PITPNA: variants seen among roughly 807,000 people sequenced by gnomAD.
PITPNA encodes the protein phosphatidylinositol transfer protein alpha isoform.
In PITPNA, 13 loss-of-function variants were observed where a neutral mutation model predicts 50.3. The observed-to-expected ratio is 0.26, with a 90% confidence interval of 0.17 to 0.41. The LOEUF is 0.41. Ranked by LOEUF, PITPNA falls within the 10% of genes least tolerant of loss-of-function variation. PITPNA has a pLI of 1.00. For missense variants in PITPNA, 207 were observed against 333.4 expected (o/e 0.62, Z 2.95); for synonymous variants, 120 against 119.6 (o/e 1.00, Z -0.02).
At chr17:1,544,674 C>T (rs1195814627) in intron 4 of PITPNA, among the ~76,000 whole-genome samples, 1 of 152,204 alleles carries the variant, frequency 6.6e-6, no homozygotes, top group Non-Finnish European at 1.5e-5. Flanking sequence ...ACGGTGGCTC[C>T]CGCCTGGAAT....
rs2075773839 is a variant in PITPNA, at chr17:1,562,516, T to G, written c.20+25A>C. ...CGTCCCCACCCTCCCTCCTCCCCGC[T>G]TCCGCACGGCCGCCGGACACTCACT... On this transcript the variant is annotated intron_variant, in intron 1 of 11. Transcript: ENST00000313486. This position sits in a 1 kb window ranked among gnomAD's most constrained non-coding sequence, Gnocchi z 6.4. 5.0e-5 allele frequency: 64 copies of G among 1,270,016 alleles called. No homozygotes were observed. Among genetic ancestry groups the G allele is most frequent in the East Asian group, 1.0e-4 (3 of 28,794 alleles). 78.7% of individuals were successfully genotyped at this position (1,270,016 alleles called of 1,614,324 possible). A position where few individuals can be genotyped will look rare whatever the true frequency, so the allele number is the denominator to read the frequency against.
chr17:1,543,434 A>C (rs1412300515), intron 4 of PITPNA, among the ~76,000 whole-genome samples: 1 of 152,060 alleles, frequency 6.6e-6, no homozygotes, highest in Non-Finnish European at 1.5e-5. Flanking sequence ...TTGGCCATGC[A>C]CTGTATCTGC....
intron 10 of PITPNA, among the ~76,000 whole-genome samples, chr17:1,525,957 G>GGA (rs1444167453): frequency 1.3e-5 from 2 of 152,174 alleles, no homozygotes; most frequent in Admixed American, 1.3e-4. Context: ...AGAAGGTCTG[G>GGA]GAGCTGCAAT....
At chr17:1,559,581 T>C (rs2075757929) in intron 1 of PITPNA, 1 of 161,884 alleles carries the variant, frequency 6.2e-6, no homozygotes, top group African/African-American at 2.4e-5. Context: ...CTGGGTCCTT[T>C]TGTGTCTTGC....
intron 7 of PITPNA, among the ~76,000 whole-genome samples, chr17:1,536,526 T>C (rs2075618218): frequency 6.6e-6 from 1 of 151,916 alleles, no homozygotes; most frequent in African/African-American, 2.4e-5. Context: ...CCTGACCTCG[T>C]GATCCGCCCA....
intron 10 of PITPNA, among the ~76,000 whole-genome samples, chr17:1,524,219 T>G (rs1049467371): frequency 6.6e-6 from 1 of 151,030 alleles, no homozygotes; most frequent in African/African-American, 2.4e-5. Flanking sequence ...TAATTTTTTG[T>G]GTTTTTAGTA....
intron 6 of PITPNA, among the ~76,000 whole-genome samples, chr17:1,540,563 C>T (rs547545135): frequency 3.1e-4 from 47 of 151,936 alleles, no homozygotes; most frequent in Non-Finnish European, 4.9e-4. Flanking sequence ...ATGCATTTAA[C>T]GTTGTCCTAC....
rs373517138 is a variant in PITPNA at position 1,557,427 on chromosome 17, G to A, written c.51+1102C>T. On this transcript the variant is annotated intron_variant, in intron 2 of 11. Coordinates refer to ENST00000313486, the MANE Select transcript of PITPNA (RefSeq NM_006224.4). ...TCATGCTGACACTGCAGGAAAGAGA[G>A]ACGGAGCCCAGTGACTGGAGGCACT... Among the ~76,000 whole-genome samples, 36 of 152,342 alleles carry A rather than the reference G, an allele frequency of 2.4e-4. No homozygotes were observed. The South Asian group carries it at 7.0e-3, about 30-fold the overall frequency.
intron 10 of PITPNA, among the ~76,000 whole-genome samples, chr17:1,532,173 T>C (rs1254514846): frequency 1.3e-5 from 2 of 152,176 alleles, no homozygotes; most frequent in Non-Finnish European, 2.9e-5. Flanking sequence ...CTGCAACCTC[T>C]GCCTCCTGGG....
At chr17:1,521,835 T>A (rs1157640987) in intron 10 of PITPNA, among the ~76,000 whole-genome samples, 190 bp from the exon 11 acceptor site, 1 of 151,554 alleles carries the variant, frequency 6.6e-6, no homozygotes, top group Admixed American at 6.6e-5. Flanking sequence ...TCACCATCCA[T>A]GATTTCTAGT....
At position 1,562,611 on chromosome 17, in the gene PITPNA, C is replaced by G; in HGVS notation, c.-51G>C. 10 of 1,211,482 alleles carry G rather than the reference C, an allele frequency of 8.3e-6. No individual in the cohort carries two copies. Among genetic ancestry groups the G allele is most frequent in the Non-Finnish European group, 1.0e-5 (10 of 971,890 alleles). 75.0% of individuals were successfully genotyped at this position (1,211,482 alleles called of 1,614,324 possible). The stretch of plus-strand genomic sequence containing the variant: ...CGCGGCCCGCCCGGCCTCCCGCCCG[C>G]TGCCCGCCGGCCGCTCTCCCCGTGG... On this transcript the variant is annotated 5_prime_UTR_variant, in exon 1 of 12. Transcript: ENST00000313486. The surrounding 1 kb of genome is among the most constrained non-coding windows in gnomAD (Gnocchi z 6.4).
At chr17:1,536,507 T>G (rs2075617893) in intron 7 of PITPNA, among the ~76,000 whole-genome samples, 1 of 152,090 alleles carries the variant, frequency 6.6e-6, no homozygotes. Context: ...GCCAGGATGG[T>G]CTCGATCTCC....
chr17:1,523,871 C>G (rs1273973117), intron 10 of PITPNA, among the ~76,000 whole-genome samples: 1 of 151,568 alleles, frequency 6.6e-6, no homozygotes, highest in Non-Finnish European at 1.5e-5. Context: ...ATTGCCCAGG[C>G]TAGTCTCGAA....
chr17:1,526,589 G>A (rs1010712307), intron 10 of PITPNA, among the ~76,000 whole-genome samples: 9 of 152,098 alleles, frequency 5.9e-5, no homozygotes, highest in African/African-American at 1.2e-4. Context: ...CTTCTCAGCC[G>A]GCTCCTTACA....
At position 1,534,195 on chromosome 17, in the gene PITPNA, G is replaced by C; in HGVS notation, c.672C>G (p.Phe224Leu). ...HKQERRLFTN[F>L]HRQLFCWLDK... ...CGAGCCAACAGAACAGCTGCCTGTG[G>C]AAGTTTGTAAACAGACGCCTCTCTT... Residue 224 changes from phenylalanine (F) to leucine (L), a missense_variant, in exon 10 of 12, where the codon TTC (phenylalanine) becomes TTG (leucine). Transcript: ENST00000313486. The C allele has an allele frequency of 6.2e-7, 1 of 1,613,860 alleles. No homozygotes were observed. Among genetic ancestry groups the C allele is most frequent in the Non-Finnish European group, 8.5e-7 (1 of 1,179,840 alleles).
chr17:1,521,972 C>T (rs2075516375), intron 10 of PITPNA, among the ~76,000 whole-genome samples: 3 of 151,312 alleles, frequency 2.0e-5, no homozygotes, highest in African/African-American at 7.3e-5. Context: ...CGATCCTCTG[C>T]CTCAACCTCC....
rs115624992 is a variant in PITPNA at position 1,546,537 on chromosome 17, C to T, written c.289+1759G>A. On this transcript the variant is annotated intron_variant, in intron 4 of 11. Coordinates refer to ENST00000313486, the MANE Select transcript of PITPNA (RefSeq NM_006224.4). ...TCAGACTCTAGGGAGTACCAGGTGC[C>T]AACAAAGAAAGCAAGTGCAGGAGGA... 7.0e-3 allele frequency among the ~76,000 whole-genome samples: 1,063 copies of T among 152,252 alleles called. 12 individuals carry two copies. Among genetic ancestry groups the T allele is most frequent in the African/African-American group, 0.024 (995 of 41,554 alleles).
intron 2 of PITPNA, among the ~76,000 whole-genome samples, chr17:1,555,396 C>T (rs1037934780): frequency 6.6e-6 from 1 of 152,208 alleles, no homozygotes; most frequent in Non-Finnish European, 1.5e-5. Context: ...GCGCTTTTCA[C>T]GTTAGAGTTC....
At chr17:1,540,314 A>G (rs2075641704) in intron 6 of PITPNA, among the ~76,000 whole-genome samples, 1 of 152,250 alleles carries the variant, frequency 6.6e-6, no homozygotes, top group Non-Finnish European at 1.5e-5. Context: ...AGGATACAAT[A>G]TAGAGTAACT....
Sources: allele counts gnomAD v4.1 joint callset (sites outside exome capture counted in the v4.1 genomes callset), GRCh38; gene constraint gnomAD v4.1.1; non-coding constraint Gnocchi (gnomAD v3.1); transcripts MANE v1.5; gene names NCBI Gene and HGNC (gene_info 2026-07-23, HGNC 2026-07-21).